The following SEC22A variants were observed in gnomAD, a reference collection of about 807,000 sequenced individuals.
SEC22A encodes SEC22 homolog A, vesicle trafficking protein.
A neutral mutation model predicts 35.3 loss-of-function variants in SEC22A; 22 were observed. The ratio of observed to expected loss-of-function variants is 0.62; its 90% CI spans 0.45 to 0.89. The LOEUF (loss-of-function observed/expected upper bound fraction) is 0.89, where lower values mean the gene tolerates loss of function less well. Ranked by LOEUF, SEC22A falls within the 40% of genes least tolerant of loss-of-function variation. SEC22A has a pLI of 0.00. For synonymous variants in SEC22A, 119 were observed against 129.5 expected (o/e 0.92, Z 0.55); for missense variants, 354 against 362.5 (o/e 0.98, Z 0.19).
intron 2 of SEC22A, 110 bp from the exon 3 acceptor site, chr3:123,223,449 C>T (rs1576488467): frequency 2.6e-6 from 2 of 780,894 alleles, no homozygotes; most frequent in Non-Finnish European, 4.1e-6. Context: ...ATGTTAAGAT[C>T]TTCATTGCCA....
chr3:123,262,056 T>C (rs1225123886), intron 6 of SEC22A, among the ~76,000 whole-genome samples: 1 of 152,212 alleles, frequency 6.6e-6, no homozygotes, highest in African/African-American at 2.4e-5. Flanking sequence ...AGCAGGGTGA[T>C]AATAATGCTG....
chr3:123,273,918 G>C lies in SEC22A; in HGVS notation c.*2196G>C, dbSNP rs1423597595. Reference sequence around the variant, plus strand: ...CTCTGTATTGACACAGCTCGCACCAGTTTGGTTCAGGAGCTACCTCCTTGT... The same window carrying C: ...CTCTGTATTGACACAGCTCGCACCACTTTGGTTCAGGAGCTACCTCCTTGT... On this transcript the variant is annotated 3_prime_UTR_variant, in exon 7 of 7. Coordinates refer to ENST00000492595, the MANE Select transcript of SEC22A (RefSeq NM_012430.5). 1 of 152,210 alleles carries C rather than the reference G, an allele frequency of 6.6e-6. No homozygotes were observed. Among genetic ancestry groups the C allele is most frequent in the East Asian group, 1.9e-4 (1 of 5,196 alleles). 9.4% of individuals were successfully genotyped at this position (152,210 alleles called of 1,614,324 possible). A position where few individuals can be genotyped will look rare whatever the true frequency, so the allele number is the denominator to read the frequency against.
intron 4 of SEC22A, among the ~76,000 whole-genome samples, chr3:123,228,087 A>G (rs1316546523): frequency 6.6e-6 from 1 of 152,134 alleles, no homozygotes; most frequent in Non-Finnish European, 1.5e-5. Flanking sequence ...CACTTCACAT[A>G]CAAATGTGGG....
At chr3:123,233,700 A>G (rs1158864845) in intron 4 of SEC22A, among the ~76,000 whole-genome samples, 11 of 152,160 alleles carry the variant, frequency 7.2e-5, no homozygotes, top group Admixed American at 7.2e-4. Context: ...AAGTTCCTCA[A>G]CTTGATAAAA....
chr3:123,217,865 T>C (rs909446092), intron 2 of SEC22A, among the ~76,000 whole-genome samples: 2 of 152,210 alleles, frequency 1.3e-5, no homozygotes, highest in African/African-American at 4.8e-5. Context: ...ACTATATCTT[T>C]GACATCAGAG....
intron 2 of SEC22A, among the ~76,000 whole-genome samples, chr3:123,215,279 G>T (rs746874368): frequency 2.6e-5 from 4 of 152,172 alleles, no homozygotes; most frequent in Admixed American, 2.6e-4. Flanking sequence ...CATTTCTACA[G>T]TCTCTCACCT....
chr3:123,220,669 G>A (rs143591769), intron 2 of SEC22A, among the ~76,000 whole-genome samples: 18 of 151,816 alleles, frequency 1.2e-4, no homozygotes, highest in Admixed American at 9.2e-4. Flanking sequence ...TGACATAGTG[G>A]TTTACAACTT....
rs2108117749 is a variant in SEC22A at position 123,272,290 on chromosome 3, G to A, written c.*568G>A. 6.6e-6 allele frequency: 1 copy of A among 152,628 alleles called. No individual in the cohort carries two copies. The highest frequency in any genetic ancestry group is 1.9e-4 in the East Asian group (1 of 5,192). 9.5% of individuals were successfully genotyped at this position (152,628 alleles called of 1,614,324 possible). A position where few individuals can be genotyped will look rare whatever the true frequency, so the allele number is the denominator to read the frequency against. ...ATCTTAACTCTGGAAATCACCTGAT[G>A]TAGAAGAAGACTGTGATGAGCTCGT... On this transcript the variant is annotated 3_prime_UTR_variant, in exon 7 of 7. Coordinates refer to ENST00000492595, the MANE Select transcript of SEC22A (RefSeq NM_012430.5).
Position 123,245,885 on chromosome 3 carries a change from C to A in SEC22A, c.542-14C>A. 1 of 1,464,400 alleles carries A rather than the reference C, an allele frequency of 6.8e-7. No homozygotes were observed. The allele number at this position is 1,464,400 out of a possible 1,614,324, so 90.7% of individuals were successfully genotyped here. A position where few individuals can be genotyped will look rare whatever the true frequency, so the allele number is the denominator to read the frequency against. On this transcript the variant is annotated splice_polypyrimidine_tract_variant and intron_variant, in intron 4 of 6. Transcript: ENST00000492595. ...TATTGGTGTTCATTTCTAACTATTTCTTTTATTTTCCAGCTCACCAGCGAC... is the reference window on the plus strand; with the variant it reads ...TATTGGTGTTCATTTCTAACTATTTATTTTATTTTCCAGCTCACCAGCGAC...
At chr3:123,205,437 C>G (rs1467952454) in intron 1 of SEC22A, among the ~76,000 whole-genome samples, 1 of 152,074 alleles carries the variant, frequency 6.6e-6, no homozygotes, top group African/African-American at 2.4e-5. Flanking sequence ...ACCTGTAATC[C>G]CAGCACTTTG....
At chr3:123,217,201 A>AC (rs1937042562) in intron 2 of SEC22A, among the ~76,000 whole-genome samples, 2 of 141,960 alleles carry the variant, frequency 1.4e-5, no homozygotes, top group Non-Finnish European at 3.1e-5. Flanking sequence ...CTATTCCAAA[A>AC]CATTTTTTTT....
rs78075553 is a variant in SEC22A, at chr3:123,248,638, G to A, written c.657+2624G>A. Reference sequence around the variant, plus strand: ...TTTATAGACAGGAAGACTCAATATTGTTTAGGTATCATTTCTTCCCAACTT... The same window carrying A: ...TTTATAGACAGGAAGACTCAATATTATTTAGGTATCATTTCTTCCCAACTT... On this transcript the variant is annotated intron_variant, in intron 5 of 6. Coordinates refer to ENST00000492595, the MANE Select transcript of SEC22A (RefSeq NM_012430.5). Among the ~76,000 whole-genome samples, 1,029 of 152,250 alleles carry A rather than the reference G, an allele frequency of 6.8e-3. 12 individuals are homozygous for A. The highest frequency in any genetic ancestry group is 0.023 in the African/African-American group (956 of 41,536).
chr3:123,252,901 T>C (rs1937631385), intron 5 of SEC22A, among the ~76,000 whole-genome samples: 1 of 152,210 alleles, frequency 6.6e-6, no homozygotes, highest in South Asian at 2.1e-4. Context: ...TCCACAGTAA[T>C]ATATAAATTA....
Position 123,273,152 on chromosome 3 carries a change from T to C in SEC22A, c.*1430T>C, listed in dbSNP as rs1424421645. 6.6e-6 allele frequency: 1 copy of C among 152,306 alleles called. No homozygotes were observed. Among genetic ancestry groups the C allele is most frequent in the African/African-American group, 2.4e-5 (1 of 41,466 alleles). The allele number at this position is 152,306 out of a possible 1,614,324, so 9.4% of individuals were successfully genotyped here. The stretch of plus-strand genomic sequence containing the variant: ...ATCCAGAAAAACAGATCCCATTACA[T>C]TGTAATTGTTGTTACTAGGCATATT... On this transcript the variant is annotated 3_prime_UTR_variant, in exon 7 of 7. Transcript: ENST00000492595.
intron 2 of SEC22A, among the ~76,000 whole-genome samples, chr3:123,213,858 G>A (rs6789617): frequency 0.19 from 29,295 of 151,162 alleles, 2,928 homozygotes; most frequent in Middle Eastern, 0.28. Context: ...AGAGTTTGAA[G>A]GAAAAAAAAA....
intron 2 of SEC22A, 105 bp from the exon 3 acceptor site, chr3:123,223,454 T>C: frequency 1.2e-6 from 1 of 817,196 alleles, no homozygotes; most frequent in Non-Finnish European, 1.9e-6. Context: ...AAGATCTTCA[T>C]TGCCACCGTA....
At chr3:123,240,047 G>A (rs1937500634) in intron 4 of SEC22A, among the ~76,000 whole-genome samples, 1 of 152,154 alleles carries the variant, frequency 6.6e-6, no homozygotes, top group South Asian at 2.1e-4. Context: ...GGCCCTGGCT[G>A]TGAGAGCCTT....
intron 5 of SEC22A, among the ~76,000 whole-genome samples, chr3:123,250,583 A>C (rs910163750): frequency 1.3e-5 from 2 of 152,126 alleles, no homozygotes; most frequent in South Asian, 2.1e-4. Context: ...CTTCCTATGG[A>C]GGGACGAGTC....
chr3:123,245,136 T>C (rs557643739), intron 4 of SEC22A, among the ~76,000 whole-genome samples: 1 of 152,296 alleles, frequency 6.6e-6, no homozygotes, highest in Admixed American at 6.5e-5. Context: ...TATCCAGTGA[T>C]ATTTATAGCC....
Sources: allele counts gnomAD v4.1 joint callset (sites outside exome capture counted in the v4.1 genomes callset), GRCh38; gene constraint gnomAD v4.1.1; transcripts MANE v1.5; gene names NCBI Gene and HGNC (gene_info 2026-07-23, HGNC 2026-07-21).